Variants in NRCAM observed in about 807,000 individuals in gnomAD.
The protein encoded by NRCAM is neuronal cell adhesion molecule, also known as NgCAM-related cell adhesion molecule.
NRCAM carries 83 observed loss-of-function variants against 156.5 expected under a neutral mutation model. The observed-to-expected ratio is 0.53, with a 90% CI of 0.44 to 0.64. The LOEUF (loss-of-function observed/expected upper bound fraction) is 0.64, where lower values mean the gene tolerates loss of function less well. NRCAM is among the 30% of genes least tolerant of loss of function. The probability of loss-of-function intolerance (pLI) is 0.00; values close to 1 mark genes in which losing one functional copy is unlikely to be tolerated. For missense variants in NRCAM, 1,417 were observed against 1,597.3 expected, an observed-to-expected ratio of 0.89 and a Z score of 1.92; for synonymous variants, 538 against 563.9, an observed-to-expected ratio of 0.95 and a Z score of 0.65.
At chr7:108,377,476 G>C (rs1427047371) in intron 2 of NRCAM, among the ~76,000 whole-genome samples, 1 of 152,140 alleles carries the variant, frequency 6.6e-6, no homozygotes, top group African/African-American at 2.4e-5. Context: ...GATTGTACCA[G>C]TAAGAATGGA....
intron 30 of NRCAM, among the ~76,000 whole-genome samples, chr7:108,161,562 C>G (rs973957292): frequency 6.6e-6 from 1 of 152,156 alleles, no homozygotes; most frequent in Non-Finnish European, 1.5e-5. Flanking sequence ...ACTCTATAAG[C>G]ATGCTTATAT....
rs920734275 is a variant in NRCAM, at chr7:108,339,391, A to T, written c.-173-26660T>A. ...AGCCTTAAAGTACTTCTAGAATCAA[A>T]AAGATTATCTCAATCCTGACTCAAA... On this transcript the variant is annotated intron_variant, in intron 2 of 32. Transcript: ENST00000379028. 4.6e-5 allele frequency among the ~76,000 whole-genome samples: 7 copies of T among 152,330 alleles called. No homozygotes were observed. In the South Asian group the frequency reaches 1.4e-3, roughly 32 times the overall value.
intron 1 of NRCAM, among the ~76,000 whole-genome samples, chr7:108,455,751 G>C (rs1035527234): frequency 1.3e-5 from 2 of 152,158 alleles, no homozygotes; most frequent in Admixed American, 6.5e-5. Flanking sequence ...GCACACGCCC[G>C]TGCGCTCCCG....
intron 2 of NRCAM, among the ~76,000 whole-genome samples, chr7:108,347,868 T>C (rs1481079755): frequency 6.6e-6 from 1 of 152,172 alleles, no homozygotes; most frequent in African/African-American, 2.4e-5. Context: ...GCCAGTGAAC[T>C]GAACCCCTCC....
chr7:108,382,267 T>C (rs1258732407), intron 2 of NRCAM, among the ~76,000 whole-genome samples: 1 of 150,202 alleles, frequency 6.7e-6, no homozygotes, highest in East Asian at 2.0e-4. Flanking sequence ...TAGAAACAGG[T>C]AAAGGTAGAG....
chr7:108,183,536 C>G (rs2079710), intron 22 of NRCAM, among the ~76,000 whole-genome samples: 1 of 150,530 alleles, frequency 6.6e-6, no homozygotes, highest in Non-Finnish European at 1.5e-5. Context: ...TTCCAGGTGG[C>G]TCTTTTTTTT....
At chr7:108,210,910 C>G (rs1197782573) in intron 11 of NRCAM, among the ~76,000 whole-genome samples, 1 of 152,142 alleles carries the variant, frequency 6.6e-6, no homozygotes, top group Admixed American at 6.5e-5. Flanking sequence ...CAGCTCAGCC[C>G]AGAAGGGATC....
chr7:108,239,812 C>G, intron 4 of NRCAM, 147 bp downstream of exon 4: 1 of 525,420 alleles, frequency 1.9e-6, no homozygotes. Context: ...TTATAAACAC[C>G]AGGTGCTGAA....
At chr7:108,206,111 G>C (rs894471318) in intron 13 of NRCAM, among the ~76,000 whole-genome samples, 1 of 152,204 alleles carries the variant, frequency 6.6e-6, no homozygotes, top group Non-Finnish European at 1.5e-5. Context: ...AGTGAAGACA[G>C]TCTGCCTGTT....
intron 25 of NRCAM, among the ~76,000 whole-genome samples, chr7:108,179,479 T>A (rs777164287): frequency 3.4e-4 from 52 of 152,218 alleles, no homozygotes; most frequent in Non-Finnish European, 5.9e-4. Context: ...ATTGTCATAG[T>A]GGCATATTGT....
chr7:108,273,362 C>T (rs575888521), intron 3 of NRCAM, among the ~76,000 whole-genome samples: 1 of 152,202 alleles, frequency 6.6e-6, no homozygotes, highest in Non-Finnish European at 1.5e-5. Context: ...ACAGTCCCAC[C>T]AACAGTGTAA....
intron 13 of NRCAM, among the ~76,000 whole-genome samples, chr7:108,200,548 T>C (rs2077380092): frequency 6.6e-6 from 1 of 152,202 alleles, no homozygotes; most frequent in African/African-American, 2.4e-5. Flanking sequence ...GCTCACCTAC[T>C]GCCTCATCAA....
intron 1 of NRCAM, among the ~76,000 whole-genome samples, chr7:108,415,339 C>A (rs543418056): frequency 1.3e-5 from 2 of 152,318 alleles, no homozygotes; most frequent in African/African-American, 4.8e-5. Context: ...CTAATCACTT[C>A]CCCAGTCAGC....
intron 3 of NRCAM, among the ~76,000 whole-genome samples, chr7:108,273,600 T>C (rs571015856): frequency 2.0e-4 from 31 of 152,376 alleles, no homozygotes; most frequent in Admixed American, 7.8e-4. Context: ...GTTGTTTTTT[T>C]CTTGTAAATT....
chr7:108,191,692 G>T, intron 18 of NRCAM, 37 bp downstream of exon 18: 1 of 1,553,172 alleles, frequency 6.4e-7, no homozygotes, highest in African/African-American at 1.4e-5. Flanking sequence ...ACCAAATGCA[G>T]GGAAGCCAGT....
intron 3 of NRCAM, among the ~76,000 whole-genome samples, chr7:108,286,295 T>C (rs1455316190): frequency 6.6e-6 from 1 of 152,176 alleles, no homozygotes; most frequent in Non-Finnish European, 1.5e-5. Context: ...GCAGTATTTA[T>C]AAGCCTTATC....
chr7:108,320,550 C>CAA (rs895875949), intron 2 of NRCAM, among the ~76,000 whole-genome samples: 1 of 138,742 alleles, frequency 7.2e-6, no homozygotes, highest in Non-Finnish European at 1.6e-5. Flanking sequence ...GCAAGACTGT[C>CAA]AAAAAAAAAA....
chr7:108,180,478 T>A (rs2062837382), intron 24 of NRCAM, 51 bp from the exon 25 acceptor site: 2 of 1,414,034 alleles, frequency 1.4e-6, no homozygotes. Flanking sequence ...CAAACAAGAT[T>A]CCTTATGCTC....
At chr7:108,336,048 C>G (rs563751920) in intron 2 of NRCAM, among the ~76,000 whole-genome samples, 2 of 152,272 alleles carry the variant, frequency 1.3e-5, no homozygotes, top group East Asian at 3.9e-4. Context: ...TTATTCTGGT[C>G]TATATAAATT....
Sources: allele counts gnomAD v4.1 joint callset (sites outside exome capture counted in the v4.1 genomes callset), GRCh38; gene constraint gnomAD v4.1.1; transcripts MANE v1.5; gene names NCBI Gene and HGNC (gene_info 2026-07-23, HGNC 2026-07-21).